The following SEPTIN2 variants were observed in gnomAD, a reference collection of about 807,000 sequenced individuals.
The protein encoded by SEPTIN2 is septin 2, also known as septin-2.
SEPTIN2 carries 34 observed loss-of-function variants against 46.5 expected under a neutral mutation model. The ratio of observed to expected loss-of-function variants is 0.73; its 90% CI spans 0.56 to 0.97. SEPTIN2 has a LOEUF of 0.97. Among genes scored for constraint, SEPTIN2 ranks in the 50% least tolerant of loss-of-function variants. SEPTIN2 has a pLI of 0.00. For synonymous variants in SEPTIN2, 175 were observed against 153.4 expected (o/e 1.14, Z -1.04); for missense variants, 347 against 448.4 (o/e 0.77, Z 2.04).
At chr2:241,342,409 C>T (rs909236377) in intron 7 of SEPTIN2, among the ~76,000 whole-genome samples, 2 of 151,738 alleles carry the variant, frequency 1.3e-5, no homozygotes, top group Admixed American at 1.3e-4. Flanking sequence ...TGTGCTGGGG[C>T]TATCGTTAGT....
intron 9 of SEPTIN2, among the ~76,000 whole-genome samples, chr2:241,345,380 T>A (rs754184687): frequency 6.6e-6 from 1 of 152,190 alleles, no homozygotes; most frequent in African/African-American, 2.4e-5. Flanking sequence ...TGCATCCTTG[T>A]GGCTATCCTG....
chr2:241,328,299 G>T (rs2078347443), intron 3 of SEPTIN2, among the ~76,000 whole-genome samples: 1 of 152,276 alleles, frequency 6.6e-6, no homozygotes, highest in Non-Finnish European at 1.5e-5. Flanking sequence ...GGGCGTGGTG[G>T]TGCATGCCTG....
chr2:241,348,315 C>T (rs1441398685), intron 11 of SEPTIN2, 124 bp downstream of exon 11: 10 of 567,834 alleles, frequency 1.8e-5, no homozygotes, highest in Non-Finnish European at 2.1e-5. Flanking sequence ...GCAACCTCTG[C>T]CTCCCGGGTT....
At position 241,345,972 on chromosome 2, in the gene SEPTIN2, G is replaced by A. The variant is rs2060197153; in HGVS notation, c.843-194G>A. On this transcript the variant is annotated intron_variant, in intron 9 of 12. Coordinates refer to ENST00000391971, the MANE Select transcript of SEPTIN2 (RefSeq NM_004404.5). ...TGTTTGTATATCATTTATTGGGGAA[G>A]AAAGGGAGAGCTACACCTCACTAGA... is the stretch of plus-strand genomic sequence containing the variant. 2.6e-5 allele frequency among the ~76,000 whole-genome samples: 4 copies of A among 152,100 alleles called. No homozygotes were observed. The South Asian group carries it at 8.3e-4, about 32-fold the overall frequency.
chr2:241,338,840 T>TATATATAA (rs1371267365), intron 7 of SEPTIN2, among the ~76,000 whole-genome samples: 2 of 98,606 alleles, frequency 2.0e-5, no homozygotes, highest in Non-Finnish European at 3.5e-5. Context: ...ATATATATAA[T>TATATATAA]AAATATATAA....
chr2:241,341,890 T>C (rs758517427), intron 7 of SEPTIN2, among the ~76,000 whole-genome samples: 2 of 152,232 alleles, frequency 1.3e-5, no homozygotes, highest in Admixed American at 1.3e-4. Flanking sequence ...CCTGTGAGAA[T>C]GCCCACCATG....
intron 2 of SEPTIN2, 114 bp downstream of exon 2, chr2:241,324,355 A>T: frequency 2.5e-6 from 2 of 788,978 alleles, no homozygotes; most frequent in Non-Finnish European, 4.2e-6. Context: ...GATACATTTG[A>T]TTCATTAACA....
intron 7 of SEPTIN2, among the ~76,000 whole-genome samples, chr2:241,339,060 A>T (rs1361989289): frequency 5.3e-5 from 7 of 131,976 alleles, no homozygotes; most frequent in African/African-American, 8.5e-5. Context: ...TTTATATATT[A>T]TATATATATA....
At chr2:241,331,393 C>T (rs2078984518) in intron 3 of SEPTIN2, among the ~76,000 whole-genome samples, 1 of 152,122 alleles carries the variant, frequency 6.6e-6, no homozygotes, top group Admixed American at 6.6e-5. Flanking sequence ...CCCTTTCTCC[C>T]CCAAATTGTC....
At chr2:241,338,279 T>C (rs1212404562) in intron 7 of SEPTIN2, among the ~76,000 whole-genome samples, 2 of 152,166 alleles carry the variant, frequency 1.3e-5, no homozygotes, top group African/African-American at 4.8e-5. Context: ...CTTCCGTGTA[T>C]GTCTGTAAAG....
At chr2:241,346,672 A>AGCAGTTGAGCCTGGGAGGT (rs1423699739) in intron 10 of SEPTIN2, 3 of 152,838 alleles carry the variant, frequency 2.0e-5, no homozygotes, top group African/African-American at 7.2e-5. Flanking sequence ...AGTTGGGAGG[A>AGCAGTTGAGCCTGGGAGGT]GCAGTTGAGC....
intron 1 of SEPTIN2, among the ~76,000 whole-genome samples, chr2:241,319,270 G>A (rs1012955598): frequency 5.9e-5 from 9 of 152,144 alleles, no homozygotes; most frequent in African/African-American, 1.4e-4. Context: ...TATGTGTAGT[G>A]GAATATAAAT....
intron 3 of SEPTIN2, among the ~76,000 whole-genome samples, chr2:241,327,371 G>A (rs56193318): frequency 0.015 from 2,307 of 151,634 alleles, 25 homozygotes; most frequent in Non-Finnish European, 0.023. Context: ...ATTATACACT[G>A]CAGGAGAAAA....
chr2:241,328,171 A>G (rs967983202), intron 3 of SEPTIN2, among the ~76,000 whole-genome samples: 2 of 152,266 alleles, frequency 1.3e-5, no homozygotes, highest in African/African-American at 4.8e-5. Context: ...GTGATGGCTC[A>G]TGCCTGTAAT....
intron 10 of SEPTIN2, 63 bp downstream of exon 10, chr2:241,346,312 C>G: frequency 1.5e-6 from 2 of 1,309,936 alleles, no homozygotes; most frequent in Non-Finnish European, 2.2e-6. Context: ...TCCTCCTCCT[C>G]TATGTGTTCA....
chr2:241,344,723 A>G (rs1344422793), intron 9 of SEPTIN2, among the ~76,000 whole-genome samples: 1 of 151,922 alleles, frequency 6.6e-6, no homozygotes, highest in South Asian at 2.1e-4. Context: ...TAAATTAAAT[A>G]AATAAATTTC....
intron 1 of SEPTIN2, among the ~76,000 whole-genome samples, chr2:241,322,446 A>G (rs971611990): frequency 2.0e-5 from 3 of 151,722 alleles, no homozygotes; most frequent in East Asian, 1.9e-4. Flanking sequence ...TCTACTAAAA[A>G]TTAAAAAAAA....
chr2:241,344,396 T>A (rs576556298), intron 9 of SEPTIN2, among the ~76,000 whole-genome samples: 2 of 152,202 alleles, frequency 1.3e-5, no homozygotes, highest in Non-Finnish European at 2.9e-5. Context: ...AAAAATAGTC[T>A]TCTTTAAAAA....
At chr2:241,345,837 G>T (rs181888094) in intron 9 of SEPTIN2, among the ~76,000 whole-genome samples, 14 of 152,110 alleles carry the variant, frequency 9.2e-5, no homozygotes, top group Non-Finnish European at 1.8e-4. Flanking sequence ...AGACATTGTT[G>T]ACCTGAAAAT....
Sources: allele counts gnomAD v4.1 joint callset (sites outside exome capture counted in the v4.1 genomes callset), GRCh38; gene constraint gnomAD v4.1.1; transcripts MANE v1.5; gene names NCBI Gene and HGNC (gene_info 2026-07-23, HGNC 2026-07-21).